Variants in ESRRG observed in about 807,000 individuals in gnomAD.
ESRRG encodes the protein estrogen related receptor gamma.
In ESRRG, 13 loss-of-function variants were observed where a neutral mutation model predicts 44.0. That is an observed-to-expected ratio of 0.30 (90% CI 0.19 to 0.47). ESRRG has a LOEUF of 0.47. Ranked by LOEUF, ESRRG falls within the 20% of genes least tolerant of loss-of-function variation. The pLI is 1.00. For missense variants in ESRRG, 395 were observed against 580.6 expected, an observed-to-expected ratio of 0.68 and a Z score of 3.29; for synonymous variants, 215 against 214.6, an observed-to-expected ratio of 1.00 and a Z score of -0.02.
intron 6 of ESRRG, 105 bp from the exon 7 acceptor site, chr1:216,507,288 C>G (rs532803691): frequency 1.3e-6 from 1 of 750,570 alleles, no homozygotes; most frequent in East Asian, 2.9e-5. Context: ...TTGAACTTCT[C>G]TGAGCTTGAA....
chr1:217,053,465 A>AAAAG (rs3072270), intron 1 of ESRRG, among the ~76,000 whole-genome samples: 32,707 of 145,456 alleles, frequency 0.22, 4,490 homozygotes, highest in Non-Finnish European at 0.3. Flanking sequence ...AAAGCCAAAA[A>AAAAG]AAAGAAAGAA....
intron 2 of ESRRG, among the ~76,000 whole-genome samples, chr1:216,883,691 C>G (rs2096481143): frequency 6.6e-6 from 1 of 152,142 alleles, no homozygotes; most frequent in African/African-American, 2.4e-5. Flanking sequence ...AATTAATTAG[C>G]TGCTGCTCTC....
At chr1:216,734,915 T>C (rs1484375083) in intron 2 of ESRRG, among the ~76,000 whole-genome samples, 2 of 145,440 alleles carry the variant, frequency 1.4e-5, no homozygotes, top group South Asian at 2.2e-4. Flanking sequence ...TTTTTTTTTT[T>C]TTTTTTTTTT....
intron 1 of ESRRG, among the ~76,000 whole-genome samples, chr1:217,003,031 A>G (rs948921379): frequency 1.2e-4 from 19 of 152,210 alleles, no homozygotes; most frequent in South Asian, 8.3e-4. Flanking sequence ...AATAATCTGT[A>G]CAGTGATCAT....
At chr1:216,563,668 T>C (rs1359497209) in intron 5 of ESRRG, among the ~76,000 whole-genome samples, 3 of 152,212 alleles carry the variant, frequency 2.0e-5, no homozygotes, top group African/African-American at 7.2e-5. Flanking sequence ...TATTTTTAAA[T>C]GCTAACTTTA....
chr1:216,515,500 A>G (rs1369365579), intron 6 of ESRRG, among the ~76,000 whole-genome samples: 1 of 151,966 alleles, frequency 6.6e-6, no homozygotes, highest in Non-Finnish European at 1.5e-5. Context: ...AAATTACACA[A>G]CTCTGCATAC....
At chr1:216,871,869 A>G (rs1409810750) in intron 2 of ESRRG, among the ~76,000 whole-genome samples, 7 of 152,078 alleles carry the variant, frequency 4.6e-5, no homozygotes, top group Non-Finnish European at 7.4e-5. Flanking sequence ...AGAATTGTCT[A>G]TTATAGGTAC....
rs12144708 is a variant in ESRRG at position 216,868,030 on chromosome 1, G to T, written c.-14+71552C>A. Among the ~76,000 whole-genome samples the T allele has an allele frequency of 3.0e-3, 450 of 149,428 alleles. 1 individual carries two copies. The highest frequency in any genetic ancestry group is 0.018 in the South Asian group (85 of 4,700). ...TACAGTATGTCACTTTTTGAGACTG[G>T]TCTCTCACTCAGCATGAAGATTTGT... On this transcript the variant is annotated intron_variant, in intron 2 of 7. Transcript: ENST00000359162.
intron 2 of ESRRG, among the ~76,000 whole-genome samples, chr1:216,759,332 G>C (rs1363505785): frequency 6.6e-6 from 1 of 151,950 alleles, no homozygotes; most frequent in African/African-American, 2.4e-5. Flanking sequence ...CTTAACGGAG[G>C]GGCTCTGTCC....
intron 2 of ESRRG, among the ~76,000 whole-genome samples, chr1:216,929,268 T>G (rs2063003855): frequency 6.6e-6 from 1 of 152,118 alleles, no homozygotes; most frequent in Admixed American, 6.6e-5. Context: ...CCTTGCTTCC[T>G]TCCTTCCTTC....
chr1:217,122,463 G>C (rs1480147941), intron 1 of ESRRG, among the ~76,000 whole-genome samples: 1 of 151,958 alleles, frequency 6.6e-6, no homozygotes, highest in Non-Finnish European at 1.5e-5. Context: ...CCTGTATTAA[G>C]GTATCTAACT....
chr1:216,535,249 G>T (rs1287747595), intron 5 of ESRRG, among the ~76,000 whole-genome samples: 2 of 152,200 alleles, frequency 1.3e-5, no homozygotes, highest in East Asian at 3.9e-4. Flanking sequence ...TCACTGAATT[G>T]CTCAATTTCC....
At chr1:216,825,025 T>C (rs2095366933) in intron 2 of ESRRG, among the ~76,000 whole-genome samples, 2 of 152,194 alleles carry the variant, frequency 1.3e-5, no homozygotes, top group Non-Finnish European at 2.9e-5. Flanking sequence ...CAGAGGCCTG[T>C]CCTTGAAGAC....
intron 1 of ESRRG, among the ~76,000 whole-genome samples, chr1:216,713,399 T>C (rs1312199545): frequency 1.4e-4 from 21 of 151,750 alleles, no homozygotes; most frequent in Non-Finnish European, 1.9e-4. Context: ...TGTAGGAGTT[T>C]GCTCGTTCAG....
chr1:216,674,817 C>T (rs1199009563), intron 2 of ESRRG, among the ~76,000 whole-genome samples: 2 of 151,754 alleles, frequency 1.3e-5, no homozygotes, highest in Admixed American at 1.3e-4. Flanking sequence ...CACTTTGTTG[C>T]CCAGATTAAT....
rs114793546 is a variant in ESRRG at position 216,664,250 on chromosome 1, C to T, written c.472+12826G>A. ...AGGACAGGCTCTGGGTTCAAGATTT[C>T]GGGGACCCAGTTGTTCTTTGGGCAA... On this transcript the variant is annotated intron_variant, in intron 2 of 6. Coordinates refer to ENST00000408911, the MANE Select transcript of ESRRG (RefSeq NM_001438.4). Among the ~76,000 whole-genome samples, 1,501 of 152,050 alleles carry T rather than the reference C, an allele frequency of 9.9e-3. 22 individuals are homozygous for T. The highest frequency in any genetic ancestry group is 0.033 in the African/African-American group (1,387 of 41,508).
intron 2 of ESRRG, among the ~76,000 whole-genome samples, chr1:216,827,105 T>C (rs2095410998): frequency 6.6e-6 from 1 of 152,228 alleles, no homozygotes; most frequent in Admixed American, 6.5e-5. Context: ...ATACTTAATG[T>C]TAACAGTGGC....
At chr1:217,093,158 G>A (rs1387591789), upstream of ESRRG, among the ~76,000 whole-genome samples, 1 of 152,194 alleles carries the variant, frequency 6.6e-6, no homozygotes, top group Non-Finnish European at 1.5e-5. Flanking sequence ...AGAACCCGTA[G>A]GCAGGAGATA....
intron 2 of ESRRG, among the ~76,000 whole-genome samples, chr1:216,921,523 G>A (rs192277937): frequency 6.6e-6 from 1 of 152,076 alleles, no homozygotes; most frequent in Admixed American, 6.5e-5. Context: ...CCCTCCTACG[G>A]CACTCTGGTG....
Sources: allele counts gnomAD v4.1 joint callset (sites outside exome capture counted in the v4.1 genomes callset), GRCh38; gene constraint gnomAD v4.1.1; transcripts MANE v1.5; gene names NCBI Gene and HGNC (gene_info 2026-07-23, HGNC 2026-07-21).